Variants in NTM observed in about 807,000 individuals in gnomAD.
NTM encodes the protein IgLON family member 2.
In NTM, 13 loss-of-function variants were observed where a neutral mutation model predicts 42.1. The observed-to-expected ratio is 0.31, with a 90% CI of 0.20 to 0.49. The LOEUF (loss-of-function observed/expected upper bound fraction) is 0.49, where lower values mean the gene tolerates loss of function less well. Ranked by LOEUF, NTM falls within the 20% of genes least tolerant of loss-of-function variation. The probability of loss-of-function intolerance (pLI) is 0.99; values close to 1 mark genes in which losing one functional copy is unlikely to be tolerated. For synonymous variants in NTM, 187 were observed against 179.2 expected (o/e 1.04, Z -0.35); for missense variants, 373 against 452.8 (o/e 0.82, Z 1.60).
At chr11:131,622,705 G>A (rs528688292) in intron 1 of NTM, among the ~76,000 whole-genome samples, 1 of 152,094 alleles carries the variant, frequency 6.6e-6, no homozygotes, top group African/African-American at 2.4e-5. Context: ...CACTGTTTTC[G>A]GTCATGTTCT....
At chr11:131,481,560 C>A (rs1254844227) in intron 1 of NTM, among the ~76,000 whole-genome samples, 1 of 152,222 alleles carries the variant, frequency 6.6e-6, no homozygotes, top group African/African-American at 2.4e-5. Flanking sequence ...AAGCCTCAAG[C>A]TTCCAAGTAT....
intron 4 of NTM, among the ~76,000 whole-genome samples, chr11:132,301,681 G>A (rs958065620): frequency 2.0e-5 from 3 of 152,234 alleles, no homozygotes; most frequent in Admixed American, 1.3e-4. Flanking sequence ...TGCAACCTGA[G>A]ATGGTGGAGA....
chr11:131,960,201 T>C (rs2062001786), intron 2 of NTM, among the ~76,000 whole-genome samples: 1 of 152,178 alleles, frequency 6.6e-6, no homozygotes, highest in African/African-American at 2.4e-5. Context: ...CTCGAGGGTG[T>C]TCATGGTGCC....
chr11:131,422,746 A>G (rs759744677), intron 1 of NTM, among the ~76,000 whole-genome samples: 26 of 152,182 alleles, frequency 1.7e-4, no homozygotes, highest in Non-Finnish European at 3.1e-4. Flanking sequence ...GTCATTGCAG[A>G]TGGCTAATTT....
intron 2 of NTM, among the ~76,000 whole-genome samples, chr11:132,072,060 A>G (rs1280667390): frequency 6.6e-6 from 1 of 152,120 alleles, no homozygotes; most frequent in Non-Finnish European, 1.5e-5. Context: ...GTTTCCTACT[A>G]ATAAATCATG....
At chr11:131,572,699 A>G (rs1035817194) in intron 1 of NTM, among the ~76,000 whole-genome samples, 1 of 152,154 alleles carries the variant, frequency 6.6e-6, no homozygotes, top group Non-Finnish European at 1.5e-5. Flanking sequence ...GGAGCTTAAA[A>G]AGCCCACGTC....
At chr11:131,500,573 A>ATG (rs2046648280) in intron 1 of NTM, among the ~76,000 whole-genome samples, 2 of 39,744 alleles carry the variant, frequency 5.0e-5, no homozygotes, top group Admixed American at 3.0e-4. Flanking sequence ...ATATATATAT[A>ATG]TATATTTTTT....
intron 4 of NTM, among the ~76,000 whole-genome samples, chr11:132,212,549 T>C (rs1038366429): frequency 5.3e-5 from 8 of 152,200 alleles, no homozygotes; most frequent in Admixed American, 4.6e-4. Flanking sequence ...TAAAAGGAGA[T>C]TCTCCAAGTC....
chr11:131,653,104 T>C (rs2066720126), intron 1 of NTM, among the ~76,000 whole-genome samples: 1 of 152,168 alleles, frequency 6.6e-6, no homozygotes, highest in Non-Finnish European at 1.5e-5. Context: ...TTCACCAGGT[T>C]CCCATGGGTG....
chr11:132,198,886 A>G (rs1270535041), intron 3 of NTM, among the ~76,000 whole-genome samples: 1 of 152,216 alleles, frequency 6.6e-6, no homozygotes, highest in Non-Finnish European at 1.5e-5. Context: ...TCACTCATTT[A>G]GTATCAGCCA....
Position 132,298,842 on chromosome 11 carries a change from G to A in NTM, c.527-8847G>A, listed in dbSNP as rs561291997. Among the ~76,000 whole-genome samples, 3 of 152,142 alleles carry A rather than the reference G, an allele frequency of 2.0e-5. No individual in the cohort carries two copies. In the East Asian group the frequency reaches 5.8e-4, roughly 29 times the overall value. On this transcript the variant is annotated intron_variant, in intron 4 of 8. Transcript: ENST00000683400. ...TCAAATGAGTTCTTAATATGTGTCA[G>A]GATCTATGATAAATGTTTTGTTGAT... is the stretch of plus-strand genomic sequence containing the variant.
At chr11:131,788,396 T>C (rs951829418) in intron 1 of NTM, among the ~76,000 whole-genome samples, 1 of 152,170 alleles carries the variant, frequency 6.6e-6, no homozygotes, top group African/African-American at 2.4e-5. Flanking sequence ...TTATACCTAA[T>C]ACATCTTAAT....
intron 2 of NTM, among the ~76,000 whole-genome samples, chr11:132,061,607 T>A (rs1385336181): frequency 6.6e-6 from 1 of 152,178 alleles, no homozygotes; most frequent in East Asian, 1.9e-4. Flanking sequence ...TCTAATAGCA[T>A]CTGATAATAA....
At chr11:131,477,568 G>A (rs2136215318) in intron 1 of NTM, among the ~76,000 whole-genome samples, 1 of 151,770 alleles carries the variant, frequency 6.6e-6, no homozygotes, top group Middle Eastern at 3.4e-3. Context: ...TCCTATATCA[G>A]CTTGAATGTT....
intron 1 of NTM, chr11:131,534,745 C>A (rs968275300): frequency 6.6e-6 from 1 of 152,212 alleles, no homozygotes; most frequent in African/African-American, 2.4e-5. Flanking sequence ...ACTGAAAAGT[C>A]ACTTGCTGAA....
chr11:132,314,172 C>CCATCACCATCAT (rs776760151), intron 6 of NTM, among the ~76,000 whole-genome samples: 1 of 148,008 alleles, frequency 6.8e-6, no homozygotes, highest in Non-Finnish European at 1.5e-5. Context: ...GTCATCATCA[C>CCATCACCATCAT]CATCACCATC....
intron 4 of NTM, among the ~76,000 whole-genome samples, chr11:132,220,584 G>C (rs926731771): frequency 5.3e-5 from 8 of 152,166 alleles, no homozygotes; most frequent in African/African-American, 1.9e-4. Flanking sequence ...TAGAAACCAA[G>C]GGCAGGAGTG....
intron 1 of NTM, among the ~76,000 whole-genome samples, chr11:131,513,218 G>A (rs1244387961): frequency 6.6e-6 from 1 of 152,224 alleles, no homozygotes; most frequent in Non-Finnish European, 1.5e-5. Flanking sequence ...CTTTCCACCA[G>A]TAGATCCTGC....
intron 1 of NTM, among the ~76,000 whole-genome samples, chr11:131,436,957 G>A (rs1949186255): frequency 6.6e-6 from 1 of 152,134 alleles, no homozygotes; most frequent in Non-Finnish European, 1.5e-5. Context: ...TGCTTTAAAT[G>A]TGTCCCAGAG....
Sources: allele counts gnomAD v4.1 joint callset (sites outside exome capture counted in the v4.1 genomes callset), GRCh38; gene constraint gnomAD v4.1.1; transcripts MANE v1.5; gene names NCBI Gene and HGNC (gene_info 2026-07-23, HGNC 2026-07-21).